The following GALNT9 variants were observed in gnomAD, a reference collection of about 807,000 sequenced individuals.
The protein encoded by GALNT9 is polypeptide N-acetylgalactosaminyltransferase 9.
GALNT9 carries 47 observed loss-of-function variants against 63.1 expected under a neutral mutation model. That is an observed-to-expected ratio of 0.75 (90% confidence interval 0.59 to 0.95). The LOEUF is 0.95. Ranked by LOEUF, GALNT9 falls within the 40% of genes least tolerant of loss-of-function variation. GALNT9 has a pLI of 0.00. For missense variants in GALNT9, 829 were observed against 874.8 expected (o/e 0.95, Z 0.66); for synonymous variants, 396 against 365.7 (o/e 1.08, Z -0.94).
At chr12:132,231,016 A>G in intron 6 of GALNT9, among the ~76,000 whole-genome samples, 1 of 144,950 alleles carries the variant, frequency 6.9e-6, no homozygotes, top group African/African-American at 2.6e-5. Context: ...TGGAGTCCCT[A>G]GTGCCACACA....
intron 5 of GALNT9, among the ~76,000 whole-genome samples, chr12:132,250,321 G>T (rs1313477511): frequency 6.6e-6 from 1 of 152,224 alleles, no homozygotes; most frequent in Non-Finnish European, 1.5e-5. Context: ...TGGGTGTGGG[G>T]TCCCCACGGG....
chr12:132,222,111 C>T (rs1020688830), intron 6 of GALNT9, among the ~76,000 whole-genome samples: 4 of 152,100 alleles, frequency 2.6e-5, no homozygotes, highest in Non-Finnish European at 4.4e-5. Context: ...GAGAAGGCAT[C>T]GTCCACCATC....
intron 1 of GALNT9, among the ~76,000 whole-genome samples, chr12:132,326,682 T>A (rs1298448327): frequency 6.6e-6 from 1 of 152,198 alleles, no homozygotes. Context: ...TGTTTCGGAT[T>A]TCCCCCTCTC....
intron 1 of GALNT9, among the ~76,000 whole-genome samples, chr12:132,300,320 C>A (rs1881246004): frequency 7.0e-6 from 1 of 142,036 alleles, no homozygotes; most frequent in African/African-American, 2.6e-5. Context: ...TGAGATAACT[C>A]ACTCCCATAA....
rs145461577 is a variant in GALNT9 at position 132,302,443 on chromosome 12, T to G, written c.239-16013A>C. Among the ~76,000 whole-genome samples the G allele has an allele frequency of 2.6e-4, 40 of 152,356 alleles. No individual in the cohort carries two copies. In the Middle Eastern group the frequency reaches 0.02, roughly 78 times the overall value. ...GAGTATTTCCCCACGTCACTAAAAA[T>G]TCTTCATAAACATAACTTTGATGGC... On this transcript the variant is annotated intron_variant, in intron 1 of 10. Coordinates refer to ENST00000328957, the MANE Select transcript of GALNT9 (RefSeq NM_001122636.2).
Position 132,252,837 on chromosome 12 carries a change from C to T in GALNT9, c.960-4810G>A, listed in dbSNP as rs183341506. ...GGCGGAGGTTGTGGTGAGCCGAGAT[C>T]GCACCACTGCACTCCAGCCTGGGCA... On this transcript the variant is annotated intron_variant, in intron 5 of 10. Transcript: ENST00000328957. This position sits in a 1 kb window ranked among gnomAD's most constrained non-coding sequence, Gnocchi z 5.2. Among the ~76,000 whole-genome samples, 1,825 of 151,700 alleles carry T rather than the reference C, an allele frequency of 0.012. 32 individuals are homozygous for T. The highest frequency in any genetic ancestry group is 0.041 in the African/African-American group (1,713 of 41,316).
chr12:132,196,455 G>C lies in GALNT9; in HGVS notation c.*652C>G, dbSNP rs1408936817. The C allele has an allele frequency of 1.0e-6, 1 of 985,544 alleles. No individual in the cohort carries two copies. Among genetic ancestry groups the C allele is most frequent in the Non-Finnish European group, 1.2e-6 (1 of 830,010 alleles). 61.0% of individuals were successfully genotyped at this position (985,544 alleles called of 1,614,324 possible). ...CAGGGCCCAGGTGCCTGGGAAAGAG[G>C]TGGGACCGGGCCCCAACCCCCAGCT... On this transcript the variant is annotated 3_prime_UTR_variant, in exon 11 of 11. Transcript: ENST00000328957.
At chr12:132,299,813 C>A (rs1403150020) in intron 1 of GALNT9, among the ~76,000 whole-genome samples, 2 of 130,562 alleles carry the variant, frequency 1.5e-5, no homozygotes, top group Admixed American at 7.9e-5. Context: ...CATAACTAAC[C>A]CACTCCCACC....
intron 1 of GALNT9, among the ~76,000 whole-genome samples, chr12:132,326,760 T>A (rs1555246542): frequency 6.6e-6 from 1 of 152,210 alleles, no homozygotes; most frequent in Non-Finnish European, 1.5e-5. Flanking sequence ...TCCTGGGATG[T>A]CACATTCTGG....
intron 6 of GALNT9, among the ~76,000 whole-genome samples, chr12:132,203,906 C>G (rs999257350): frequency 6.6e-6 from 1 of 152,068 alleles, no homozygotes; most frequent in Non-Finnish European, 1.5e-5. Flanking sequence ...TGCGTCCTCT[C>G]TGGGACTTCT....
rs931180241 is a variant in GALNT9, at chr12:132,252,858, G to A, written c.959+4831C>T. Among the ~76,000 whole-genome samples, 108 of 152,018 alleles carry A rather than the reference G, an allele frequency of 7.1e-4. No individual in the cohort carries two copies. The highest frequency in any genetic ancestry group is 2.5e-3 in the African/African-American group (102 of 41,460). On this transcript the variant is annotated intron_variant, in intron 5 of 10. Coordinates refer to ENST00000328957, the MANE Select transcript of GALNT9 (RefSeq NM_001122636.2). The surrounding 1 kb of genome is among the most constrained non-coding windows in gnomAD (Gnocchi z 5.2). ...AGATCGCACCACTGCACTCCAGCCT[G>A]GGCAACAACAGCGAAACTGCCTCAA...
chr12:132,293,435 T>C (rs1555242958), intron 1 of GALNT9, among the ~76,000 whole-genome samples: 1 of 152,190 alleles, frequency 6.6e-6, no homozygotes, highest in East Asian at 1.9e-4. Flanking sequence ...TAATACCTAT[T>C]GACGATTCTT....
At chr12:132,253,697 G>T (rs1555238791) in intron 5 of GALNT9, among the ~76,000 whole-genome samples, 1 of 151,896 alleles carries the variant, frequency 6.6e-6, no homozygotes, top group African/African-American at 2.4e-5. Context: ...CTCTTGCCTC[G>T]GCACCTAGGT....
At chr12:132,308,669 C>A (rs1488985849) in intron 1 of GALNT9, among the ~76,000 whole-genome samples, 2 of 152,118 alleles carry the variant, frequency 1.3e-5, no homozygotes, top group Admixed American at 1.3e-4. Context: ...CCACCTGGCA[C>A]CTCGGGGTGC....
At chr12:132,210,029 G>A (rs967124960) in intron 6 of GALNT9, among the ~76,000 whole-genome samples, 2 of 152,188 alleles carry the variant, frequency 1.3e-5, no homozygotes, top group Admixed American at 6.5e-5. Flanking sequence ...TCTGGATGGG[G>A]ACCCCTTTCT....
rs539223978 is a variant in GALNT9 at position 132,262,342 on chromosome 12, G to A, written c.586+117C>T. ...ACCCCCATAGGTTTAGAGCCCCTGC[G>A]GACAGATGGGGTGCAGTCCTCTGTC... On this transcript the variant is annotated intron_variant, in intron 3 of 10. Coordinates refer to ENST00000328957, the MANE Select transcript of GALNT9 (RefSeq NM_001122636.2). 88 of 1,342,632 alleles carry A rather than the reference G, an allele frequency of 6.6e-5. 1 individual carries two copies. In the East Asian group the frequency reaches 9.4e-4, roughly 14 times the overall value. The allele number at this position is 1,342,632 out of a possible 1,614,324, so 83.2% of individuals were successfully genotyped here. A position where few individuals can be genotyped will look rare whatever the true frequency, so the allele number is the denominator to read the frequency against.
chr12:132,251,441 A>T (rs28710429), intron 5 of GALNT9, among the ~76,000 whole-genome samples: 26,117 of 151,894 alleles, frequency 0.17, 2,433 homozygotes, highest in Middle Eastern at 0.29. Flanking sequence ...CGGGGAGGGG[A>T]GCGGCTGCTC....
At chr12:132,203,739 G>A (rs1241501435) in intron 6 of GALNT9, 49 bp from the exon 7 acceptor site, 5 of 1,567,960 alleles carry the variant, frequency 3.2e-6, no homozygotes, top group Non-Finnish European at 4.3e-6. Context: ...ACGGAAGCGG[G>A]CAGCCCGGCC....
chr12:132,322,820 G>A (rs1868866276), intron 1 of GALNT9, among the ~76,000 whole-genome samples: 1 of 152,232 alleles, frequency 6.6e-6, no homozygotes. Context: ...TTAAACGACT[G>A]GAAAATGAGT....
Sources: allele counts gnomAD v4.1 joint callset (sites outside exome capture counted in the v4.1 genomes callset), GRCh38; gene constraint gnomAD v4.1.1; non-coding constraint Gnocchi (gnomAD v3.1); transcripts MANE v1.5; gene names NCBI Gene and HGNC (gene_info 2026-07-23, HGNC 2026-07-21).